Variants in DACH2 observed in about 807,000 individuals in gnomAD.
The protein encoded by DACH2 is dachshund homolog 2.
DACH2 carries 17 observed loss-of-function variants against 35.8 expected under a neutral mutation model. The ratio of observed to expected loss-of-function variants is 0.48; its 90% CI spans 0.33 to 0.71. DACH2 has a LOEUF of 0.71. Ranked by LOEUF, DACH2 falls within the 30% of genes least tolerant of loss-of-function variation. DACH2 has a pLI of 0.02. For missense variants in DACH2, 469 were observed against 472.7 expected (o/e 0.99, Z 0.07); for synonymous variants, 195 against 177.3 (o/e 1.10, Z -0.79).
At chrX:86,609,664 T>C (rs2039904081) in intron 3 of DACH2, among the ~76,000 whole-genome samples, 1 of 112,138 alleles carries the variant, frequency 8.9e-6, no homozygotes, top group Non-Finnish European at 1.9e-5. Flanking sequence ...TTCTATCTGC[T>C]TTAATGGGAA....
At chrX:86,328,307 A>G (rs754106816) in intron 1 of DACH2, among the ~76,000 whole-genome samples, 1 of 111,774 alleles carries the variant, frequency 8.9e-6, no homozygotes, top group African/African-American at 3.2e-5. Flanking sequence ...GCATATTATT[A>G]GTAATGTAAT....
chrX:86,708,058 T>C (rs1178336386), intron 5 of DACH2, among the ~76,000 whole-genome samples: 1 of 109,290 alleles, frequency 9.1e-6, no homozygotes, highest in East Asian at 2.9e-4. Flanking sequence ...TAAAAGTAGA[T>C]GCAGAAAAAG....
At chrX:86,169,392 G>A (rs1293290613) in intron 1 of DACH2, among the ~76,000 whole-genome samples, 6 of 110,857 alleles carry the variant, frequency 5.4e-5, no homozygotes, top group Admixed American at 1.9e-4. Context: ...CATTGGCTTG[G>A]TGTTCTATAA....
At chrX:86,293,985 G>T (rs2034376890) in intron 1 of DACH2, among the ~76,000 whole-genome samples, 1 of 111,610 alleles carries the variant, frequency 9.0e-6, no homozygotes, top group African/African-American at 3.3e-5. Context: ...TGCTGGATTG[G>T]GGAAGATCTC....
At chrX:86,531,909 G>A (rs756516217) in intron 3 of DACH2, among the ~76,000 whole-genome samples, 1 of 113,169 alleles carries the variant, frequency 8.8e-6, no homozygotes, top group African/African-American at 3.2e-5. Context: ...CACTGGTAGA[G>A]CTGCCCAAGT....
chrX:86,380,374 G>A (rs754686967), intron 2 of DACH2, among the ~76,000 whole-genome samples: 4 of 109,966 alleles, frequency 3.6e-5, no homozygotes, highest in Non-Finnish European at 7.7e-5. Flanking sequence ...TTTTATAACC[G>A]GCCAAATGGA....
intron 1 of DACH2, among the ~76,000 whole-genome samples, chrX:86,337,441 T>A (rs1039230850): frequency 9.0e-6 from 1 of 111,483 alleles, no homozygotes; most frequent in African/African-American, 3.3e-5. Context: ...TTAGAGAAAA[T>A]AATTTTCAAC....
chrX:86,667,545 G>GAAGAAAGA lies in DACH2; in HGVS notation c.772+16442_772+16449dup, dbSNP rs367810959. On this transcript the variant is annotated intron_variant, in intron 4 of 11. Coordinates refer to ENST00000373125, the MANE Select transcript of DACH2 (RefSeq NM_053281.3). Reference sequence around the variant, plus strand: ...AGAAAGAAAGAAAGAAAGAAAGAAAGAAGAAAGAAAGAAAGAAAGAAAGAA... The same window carrying GAAGAAAGA: ...AGAAAGAAAGAAAGAAAGAAAGAAAGAAGAAAGAAAGAAAGAAAGAAAGAAAGAAAGAA... Among the ~76,000 whole-genome samples, 233 of 31,320 alleles carry GAAGAAAGA rather than the reference G, an allele frequency of 7.4e-3. 10 individuals carry two copies. The highest frequency in any genetic ancestry group is 0.011 in the South Asian group (6 of 540). 27.2% of individuals were successfully genotyped at this position (31,320 alleles called of 115,157 possible).
chrX:86,762,060 A>C (rs973109733), intron 7 of DACH2, among the ~76,000 whole-genome samples: 1 of 111,408 alleles, frequency 9.0e-6, no homozygotes, highest in African/African-American at 3.3e-5. Flanking sequence ...CAAGTACCAG[A>C]TGCGTCCAGT....
intron 2 of DACH2, among the ~76,000 whole-genome samples, chrX:86,499,773 G>A (rs2148255148): frequency 8.9e-6 from 1 of 111,832 alleles, no homozygotes; most frequent in South Asian, 3.8e-4. Flanking sequence ...AAATGAAAAC[G>A]ACAAGCTCAA....
At chrX:86,333,570 G>T (rs1019850621) in intron 1 of DACH2, among the ~76,000 whole-genome samples, 1 of 111,482 alleles carries the variant, frequency 9.0e-6, no homozygotes, top group Admixed American at 9.6e-5. Context: ...TAGGCAAAAA[G>T]TGCCCTTGAA....
chrX:86,600,518 T>A (rs2039776377), intron 3 of DACH2, among the ~76,000 whole-genome samples: 1 of 112,427 alleles, frequency 8.9e-6, no homozygotes, highest in Admixed American at 9.5e-5. Context: ...GTATTGTGCT[T>A]ACAAGGTAAT....
At chrX:86,737,223 G>T (rs1283782921) in intron 6 of DACH2, among the ~76,000 whole-genome samples, 1 of 111,039 alleles carries the variant, frequency 9.0e-6, no homozygotes, top group Non-Finnish European at 1.9e-5. Flanking sequence ...GAAAAAACTT[G>T]ATTCTTTTCT....
At position 86,793,991 on chromosome X, in the gene DACH2, G is replaced by T. The variant is rs751477471; in HGVS notation, c.1241-18865G>T. On this transcript the variant is annotated intron_variant, in intron 7 of 11. Coordinates refer to ENST00000373125, the MANE Select transcript of DACH2 (RefSeq NM_053281.3). ...TAAAAATCAAAGAAATTTAAAGAAT[G>T]TGGGCTTTGGTATATAAGAAGACCT... Among the ~76,000 whole-genome samples the T allele has an allele frequency of 3.4e-4, 38 of 111,951 alleles. 1 individual carries two copies. Among genetic ancestry groups the T allele is most frequent in the African/African-American group, 3.6e-4 (11 of 30,862 alleles).
chrX:86,800,279 G>C (rs1474370098), intron 7 of DACH2, among the ~76,000 whole-genome samples: 1 of 111,795 alleles, frequency 8.9e-6, no homozygotes, highest in Admixed American at 9.5e-5. Context: ...GAACTCAAAA[G>C]TGTTTCTGAT....
chrX:86,397,499 T>C (rs1279152306), intron 2 of DACH2, among the ~76,000 whole-genome samples: 26 of 111,537 alleles, frequency 2.3e-4, no homozygotes, highest in East Asian at 1.4e-3. Context: ...CCAGTTTTTG[T>C]CCATTCAGTA....
chrX:86,667,449 G>GAA (rs1373944506), intron 4 of DACH2, among the ~76,000 whole-genome samples: 1 of 51,210 alleles, frequency 2.0e-5, no homozygotes, highest in Non-Finnish European at 5.0e-5. Flanking sequence ...AAAGAAGAAA[G>GAA]AGAAAGAAAG....
intron 7 of DACH2, among the ~76,000 whole-genome samples, chrX:86,751,933 A>G (rs1387988466): frequency 1.8e-5 from 2 of 112,125 alleles, no homozygotes; most frequent in Admixed American, 1.9e-4. Flanking sequence ...TGTCCTTTTC[A>G]GTAACGTGGA....
chrX:86,235,502 A>G (rs1004699864), intron 1 of DACH2, among the ~76,000 whole-genome samples: 1 of 112,217 alleles, frequency 8.9e-6, no homozygotes, highest in African/African-American at 3.2e-5. Context: ...CTGCTCAGTC[A>G]TAATTAGATG....
Sources: allele counts gnomAD v4.1 joint callset (sites outside exome capture counted in the v4.1 genomes callset), GRCh38; gene constraint gnomAD v4.1.1; transcripts MANE v1.5; gene names NCBI Gene and HGNC (gene_info 2026-07-23, HGNC 2026-07-21).